Variants in ZEB2 observed in about 807,000 individuals in gnomAD.
ZEB2 encodes zinc finger E-box-binding homeobox 2.
In ZEB2, 6 loss-of-function variants were observed where a neutral mutation model predicts 99.9. The observed-to-expected ratio is 0.06, with a 90% confidence interval of 0.03 to 0.12. The LOEUF is 0.12. ZEB2 is among the 10% of genes least tolerant of loss of function. The probability of loss-of-function intolerance (pLI) is 1.00; values close to 1 mark genes in which losing one functional copy is unlikely to be tolerated. For missense variants in ZEB2, 969 were observed against 1,502.8 expected, an observed-to-expected ratio of 0.64 and a Z score of 5.87; for synonymous variants, 517 against 542.5, an observed-to-expected ratio of 0.95 and a Z score of 0.65.
intron 3 of ZEB2, among the ~76,000 whole-genome samples, chr2:144,425,451 C>T (rs569618558): frequency 9.9e-5 from 15 of 152,270 alleles, no homozygotes; most frequent in South Asian, 2.1e-4. Flanking sequence ...ACTTCTAAAA[C>T]GTACCTGCCT....
rs1268626250 is a variant in ZEB2 at position 144,513,840 on chromosome 2, G to C, written c.73+3438C>G. 4 of 1,534,746 alleles carry C rather than the reference G, an allele frequency of 2.6e-6. No homozygotes were observed. The African/African-American group carries it at 4.1e-5, about 16-fold the overall frequency. Reference sequence around the variant, plus strand: ...GGTATAATCAGGGGAAAGAAAAAGGGGGGCTGGGTTTTCCCCCTCCTCTCC... The same window carrying C: ...GGTATAATCAGGGGAAAGAAAAAGGCGGGCTGGGTTTTCCCCCTCCTCTCC... On this transcript the variant is annotated intron_variant, in intron 2 of 9. Transcript: ENST00000627532.
At chr2:144,498,080 T>C (rs28375662) in intron 2 of ZEB2, among the ~76,000 whole-genome samples, 4 of 91,086 alleles carry the variant, frequency 4.4e-5, no homozygotes, top group Admixed American at 1.9e-4. Flanking sequence ...TATTATATAT[T>C]ATATAATATA....
At chr2:144,453,205 C>T (rs1704077736) in intron 2 of ZEB2, among the ~76,000 whole-genome samples, 1 of 152,212 alleles carries the variant, frequency 6.6e-6, no homozygotes, top group African/African-American at 2.4e-5. Flanking sequence ...AAACTGCTTG[C>T]TGGTCAGAAA....
chr2:144,489,723 A>G (rs904435054), intron 2 of ZEB2, among the ~76,000 whole-genome samples: 1 of 152,264 alleles, frequency 6.6e-6, no homozygotes, highest in Non-Finnish European at 1.5e-5. Flanking sequence ...GGTGCGCAGC[A>G]GCGAGGATGG....
At chr2:144,427,124 G>T (rs1312929128) in intron 3 of ZEB2, 1 of 152,138 alleles carries the variant, frequency 6.6e-6, no homozygotes, top group African/African-American at 2.4e-5. Flanking sequence ...CTGGGATGAA[G>T]ATTTGTAAAA....
intron 2 of ZEB2, among the ~76,000 whole-genome samples, chr2:144,433,130 A>T (rs1703795088): frequency 6.6e-6 from 1 of 152,170 alleles, no homozygotes; most frequent in African/African-American, 2.4e-5. Context: ...AGCCCAAAGA[A>T]TTCCTTTCTG....
intron 4 of ZEB2, among the ~76,000 whole-genome samples, chr2:144,410,706 G>A (rs1420254482): frequency 1.3e-5 from 2 of 151,878 alleles, no homozygotes; most frequent in Admixed American, 1.3e-4. Flanking sequence ...TGGAAGACAG[G>A]TACTCTATTA....
In ZEB2 at chr2:144,419,295, C is replaced by T. The variant is rs564469974; in HGVS notation, c.403+5501G>A. 7.9e-5 allele frequency among the ~76,000 whole-genome samples: 12 copies of T among 152,284 alleles called. No individual in the cohort carries two copies. In the South Asian group the frequency reaches 1.4e-3, roughly 18 times the overall value. On this transcript the variant is annotated intron_variant, in intron 4 of 9. Transcript: ENST00000627532. ...AGAGTCTATAAAGTTAGTTCTTAGA[C>T]AAGAAATTTATTGTGTTGTGTAAGA...
intron 2 of ZEB2, among the ~76,000 whole-genome samples, chr2:144,490,502 G>C (rs1373914930): frequency 6.6e-6 from 1 of 152,102 alleles, no homozygotes; most frequent in Non-Finnish European, 1.5e-5. Flanking sequence ...TTGATGTGCA[G>C]AGTTCTATAA....
chr2:144,468,414 T>C lies in ZEB2; in HGVS notation c.74-38388A>G, dbSNP rs564539573. ...ACAAGAATAGTGGGTGATTTAAATA[T>C]TACCTGTTCCTCTTTCCAGTTTTTC... On this transcript the variant is annotated intron_variant, in intron 2 of 9. Coordinates refer to ENST00000627532, the MANE Select transcript of ZEB2 (RefSeq NM_014795.4). Among the ~76,000 whole-genome samples the C allele has an allele frequency of 2.0e-5, 3 of 152,278 alleles. No homozygotes were observed. The South Asian group carries it at 6.2e-4, about 32-fold the overall frequency.
At chr2:144,489,095 T>C (rs565251048) in intron 2 of ZEB2, among the ~76,000 whole-genome samples, 101 of 152,308 alleles carry the variant, frequency 6.6e-4, no homozygotes, top group African/African-American at 2.3e-3. Context: ...GTTCAGCAGA[T>C]CTCTAGAATT....
At chr2:144,517,142 G>T (rs1375276354) in intron 2 of ZEB2, 136 bp downstream of exon 2, 4 of 951,768 alleles carry the variant, frequency 4.2e-6, no homozygotes, top group East Asian at 7.1e-5. Flanking sequence ...GGCGCCGGCC[G>T]CGGAGGGAGG....
At chr2:144,429,597 A>T in intron 3 of ZEB2, 172 bp downstream of exon 3, 1 of 1,030,396 alleles carries the variant, frequency 9.7e-7, no homozygotes, top group Non-Finnish European at 1.4e-6. Flanking sequence ...GCAATGTGAT[A>T]ACATTACTAT....
chr2:144,441,745 T>G lies in ZEB2; in HGVS notation c.74-11719A>C, dbSNP rs528589423. 2.6e-5 allele frequency among the ~76,000 whole-genome samples: 4 copies of G among 152,270 alleles called. No homozygotes were observed. The South Asian group carries it at 8.3e-4, about 32-fold the overall frequency. On this transcript the variant is annotated intron_variant, in intron 2 of 9. Transcript: ENST00000627532. ...TTCTCTGTTAGCTTCTTTTTACTCA[T>G]CAAGATTATCTGTTGGCAGACAGCT...
At chr2:144,404,472 C>T (rs1234856341) in intron 5 of ZEB2, among the ~76,000 whole-genome samples, 1 of 151,488 alleles carries the variant, frequency 6.6e-6, no homozygotes, top group Non-Finnish European at 1.5e-5. Flanking sequence ...CAGGAACTCA[C>T]AGTGTGAAGG....
At chr2:144,497,690 A>G (rs113190994) in intron 2 of ZEB2, 3 of 166,718 alleles carry the variant, frequency 1.8e-5, no homozygotes, top group African/African-American at 7.4e-5. Context: ...TTGAAACAAA[A>G]AAGGACTTAA....
intron 2 of ZEB2, among the ~76,000 whole-genome samples, chr2:144,493,158 TA>T (rs949031342): frequency 1.3e-4 from 19 of 146,330 alleles, no homozygotes; most frequent in Non-Finnish European, 1.1e-4. Context: ...CTCCAAAGAG[TA>T]AAAAAAAAAG....
intron 3 of ZEB2, chr2:144,427,906 A>G (rs1174443593): frequency 6.6e-6 from 1 of 152,210 alleles, no homozygotes; most frequent in Non-Finnish European, 1.5e-5. Flanking sequence ...AGGGTCTGCA[A>G]TGCATTCATA....
rs34257771 is a variant in ZEB2, at chr2:144,414,948, A to ATGTGTGTG, written c.403+9840_403+9847dup. On this transcript the variant is annotated intron_variant, in intron 4 of 9. Coordinates refer to ENST00000627532, the MANE Select transcript of ZEB2 (RefSeq NM_014795.4). ...AGTTAAAATGCCCACTTCAGAGTGT[A>ATGTGTGTG]TGTGTGTGTGTGTGTGTGTTTGTAT... 1.2e-3 allele frequency among the ~76,000 whole-genome samples: 171 copies of ATGTGTGTG among 148,000 alleles called. No homozygotes were observed. The Middle Eastern group carries it at 0.028, about 24-fold the overall frequency.
Sources: gnomAD v4.1 joint callset for allele counts (sites outside exome capture counted in the v4.1 genomes callset) on GRCh38, gnomAD v4.1.1 for gene constraint, MANE v1.5 for transcripts, NCBI Gene and HGNC (gene_info 2026-07-23, HGNC 2026-07-21) for gene names.